Variants in PLD5 observed in about 807,000 individuals in gnomAD.
The protein encoded by PLD5 is inactive phospholipase D5.
Under a neutral mutation model 61.1 loss-of-function variants are expected in PLD5, and 36 were observed. That is an observed-to-expected ratio of 0.59 (90% CI 0.45 to 0.78). PLD5 has a LOEUF of 0.78. Ranked by LOEUF, PLD5 falls within the 30% of genes least tolerant of loss-of-function variation. PLD5 has a pLI of 0.00. For synonymous variants in PLD5, 243 were observed against 242.8 expected (o/e 1.00, Z -0.01); for missense variants, 515 against 644.4 (o/e 0.80, Z 2.17).
intron 2 of PLD5, among the ~76,000 whole-genome samples, chr1:242,315,298 G>C (rs570677192): frequency 3.3e-5 from 5 of 152,220 alleles, no homozygotes; most frequent in African/African-American, 4.8e-5. Context: ...AATTCCTTTT[G>C]GAAATACATG....
At chr1:242,405,760 C>T (rs376754928) in intron 1 of PLD5, among the ~76,000 whole-genome samples, 2 of 152,084 alleles carry the variant, frequency 1.3e-5, no homozygotes, top group African/African-American at 2.4e-5. Flanking sequence ...CACTACCACA[C>T]CTTGCTAATT....
rs538714352 is a variant in PLD5 at position 242,355,460 on chromosome 1, C to T, written c.190-7218G>A. 1.1e-4 allele frequency among the ~76,000 whole-genome samples: 17 copies of T among 152,058 alleles called. No homozygotes were observed. The South Asian group carries it at 3.3e-3, about 30-fold the overall frequency. ...TTTCTGTAGTTATCAGTTGTAATGT[C>T]TCCACTTTTATTTTTGATTTTATTT... On this transcript the variant is annotated intron_variant, in intron 1 of 9. Coordinates refer to ENST00000536534, the MANE Select transcript of PLD5 (RefSeq NM_001372062.1).
At chr1:242,295,044 A>T (rs1675572341) in intron 2 of PLD5, among the ~76,000 whole-genome samples, 1 of 152,198 alleles carries the variant, frequency 6.6e-6, no homozygotes, top group Admixed American at 6.5e-5. Context: ...ACATTAATGA[A>T]GGGGAACAGA....
At chr1:242,502,703 G>T (rs1572256690) in intron 1 of PLD5, among the ~76,000 whole-genome samples, 2 of 152,218 alleles carry the variant, frequency 1.3e-5, no homozygotes, top group South Asian at 4.1e-4. Flanking sequence ...GTGTGTGTGT[G>T]TGCGTATCTC....
intron 5 of PLD5, among the ~76,000 whole-genome samples, chr1:242,218,023 T>C (rs945953861): frequency 6.6e-6 from 1 of 152,258 alleles, no homozygotes; most frequent in African/African-American, 2.4e-5. Flanking sequence ...AGAAGTTTTA[T>C]TGTGGATAAA....
chr1:242,112,760 A>G (rs1453335425), intron 7 of PLD5, among the ~76,000 whole-genome samples: 2 of 152,202 alleles, frequency 1.3e-5, no homozygotes, highest in Admixed American at 6.5e-5. Context: ...AAACTGTAAT[A>G]TTCCAAATTA....
chr1:242,520,159 C>T (rs867978), intron 1 of PLD5, among the ~76,000 whole-genome samples: 2,916 of 152,144 alleles, frequency 0.019, 104 homozygotes, highest in African/African-American at 0.066. Context: ...GATTTCTGGG[C>T]GGAAGCATTG....
chr1:242,359,064 G>A (rs1660920805), intron 1 of PLD5, among the ~76,000 whole-genome samples: 1 of 152,144 alleles, frequency 6.6e-6, no homozygotes, highest in African/African-American at 2.4e-5. Context: ...CTTTGCAGGT[G>A]ACCTATGCTA....
At chr1:242,452,061 G>T (rs923851374) in intron 1 of PLD5, among the ~76,000 whole-genome samples, 5 of 152,126 alleles carry the variant, frequency 3.3e-5, no homozygotes, top group Non-Finnish European at 7.3e-5. Flanking sequence ...TCCCAACAGG[G>T]CTGAATGGCA....
At chr1:242,527,185 C>T (rs964157596), upstream of PLD5, among the ~76,000 whole-genome samples, 33 of 126,520 alleles carry the variant, frequency 2.6e-4, no homozygotes, top group African/African-American at 1.0e-3. Context: ...GGCTGGAGTG[C>T]GGTGGTTCCA....
Position 242,524,159 on chromosome 1 carries a change from A to C in PLD5, c.118T>G (p.Phe40Val). The stretch of plus-strand genomic sequence containing the variant: ...TCCTGCTGCTTGACGCTGCTGTAGA[A>C]GTTCGCGCCCACTCGGGTCAGGCTT... ...SPSLTRVGAN[F>V]YSSVKQQDYS... Residue 40 changes from phenylalanine (F) to valine (V), a missense_variant, in exon 1 of 10, where the codon TTC becomes GTC. By Grantham distance (50) the Phe-to-Val change is conservative. Around this residue, in one of 2 missense-constraint regions of PLD5, gnomAD observed 450 missense variants for 598.1 expected, o/e 0.75. Coordinates refer to ENST00000536534, the MANE Select transcript of PLD5 (RefSeq NM_001372062.1). The C allele has an allele frequency of 1.3e-6, 2 of 1,535,502 alleles. No homozygotes were observed. The highest frequency in any genetic ancestry group is 1.7e-6 in the Non-Finnish European group (2 of 1,146,574).
chr1:242,107,932 T>A, intron 7 of PLD5, 93 bp from the exon 8 acceptor site: 1 of 1,217,782 alleles, frequency 8.2e-7, no homozygotes, highest in South Asian at 1.6e-5. Context: ...ATTACTCAGA[T>A]CATTACTTTA....
In PLD5 at chr1:242,212,036, C is replaced by T. The variant is rs144901360; in HGVS notation, c.735+7952G>A. ...AAACATTGCATGCAAGGGCAAGGTCCCAGTATCATCTTTAATGCTATGGGC... is the reference window on the plus strand; with the variant it reads ...AAACATTGCATGCAAGGGCAAGGTCTCAGTATCATCTTTAATGCTATGGGC... On this transcript the variant is annotated intron_variant, in intron 5 of 9. Transcript: ENST00000536534. Among the ~76,000 whole-genome samples the T allele has an allele frequency of 5.6e-4, 86 of 152,228 alleles. No individual in the cohort carries two copies. In the South Asian group the frequency reaches 6.0e-3, roughly 11 times the overall value.
At chr1:242,185,834 C>T (rs866093718) in intron 5 of PLD5, among the ~76,000 whole-genome samples, 4 of 151,652 alleles carry the variant, frequency 2.6e-5, no homozygotes, top group African/African-American at 9.7e-5. Context: ...TTTTCTTGGA[C>T]AGGATGAAAA....
chr1:242,487,100 T>C (rs1025312659), intron 1 of PLD5, among the ~76,000 whole-genome samples: 2 of 152,084 alleles, frequency 1.3e-5, no homozygotes, highest in Non-Finnish European at 2.9e-5. Flanking sequence ...TTAGGAGATA[T>C]ACTTAATGTT....
At chr1:242,154,829 G>A (rs2148826114) in intron 5 of PLD5, among the ~76,000 whole-genome samples, 2 of 152,196 alleles carry the variant, frequency 1.3e-5, no homozygotes, top group Middle Eastern at 6.8e-3. Flanking sequence ...GTCTCTGTCA[G>A]GTTTTGGTAT....
chr1:242,456,449 T>C (rs189260312), intron 1 of PLD5, among the ~76,000 whole-genome samples: 186 of 152,308 alleles, frequency 1.2e-3, no homozygotes, highest in Non-Finnish European at 8.2e-4. Context: ...TGCAGAACTT[T>C]CTACTGGACA....
At chr1:242,143,228 T>G (rs1664309146) in intron 5 of PLD5, among the ~76,000 whole-genome samples, 1 of 151,952 alleles carries the variant, frequency 6.6e-6, no homozygotes, top group African/African-American at 2.4e-5. Flanking sequence ...TTTTTTTGTA[T>G]TTTTAGTAAA....
chr1:242,457,743 C>T lies in PLD5; in HGVS notation c.189+66345G>A, dbSNP rs145911526. On this transcript the variant is annotated intron_variant, in intron 1 of 9. Coordinates refer to ENST00000536534, the MANE Select transcript of PLD5 (RefSeq NM_001372062.1). ...GACATCCTGAACAACTTGTCTCCAG[C>T]GATCCAGGTCCGGCTCAACCTCTGC... Among the ~76,000 whole-genome samples, 1,257 of 152,292 alleles carry T rather than the reference C, an allele frequency of 8.3e-3. 13 individuals carry two copies. Among genetic ancestry groups the T allele is most frequent in the Non-Finnish European group, 0.013 (904 of 68,020 alleles).
Sources: gnomAD v4.1 joint callset for allele counts (sites outside exome capture counted in the v4.1 genomes callset) on GRCh38, gnomAD v4.1.1 for gene constraint, gnomAD v4.1.1 regional missense constraint, MANE v1.5 for transcripts, NCBI Gene and HGNC (gene_info 2026-07-23, HGNC 2026-07-21) for gene names.